RAB6B: variants seen among roughly 807,000 people sequenced by gnomAD.
RAB6B encodes the protein ras-related protein Rab-6B.
Under a neutral mutation model 31.2 loss-of-function variants are expected in RAB6B, and 7 were observed. The ratio of observed to expected loss-of-function variants is 0.22; its 90% confidence interval spans 0.13 to 0.42. The LOEUF (loss-of-function observed/expected upper bound fraction) is 0.42, where lower values mean the gene tolerates loss of function less well. Ranked by LOEUF, RAB6B falls within the 10% of genes least tolerant of loss-of-function variation. RAB6B has a pLI of 1.00. For synonymous variants in RAB6B, 105 were observed against 104.9 expected (o/e 1.00, Z -0.01); for missense variants, 149 against 280.6 (o/e 0.53, Z 3.35).
chr3:133,871,666 G>A (rs1343419773), intron 1 of RAB6B, among the ~76,000 whole-genome samples: 1 of 152,232 alleles, frequency 6.6e-6, no homozygotes, highest in East Asian at 1.9e-4. Flanking sequence ...CTCCACAGCG[G>A]GTGTGGGTGT....
At chr3:133,839,737 G>A in intron 4 of RAB6B, 120 bp from the exon 5 acceptor site, 1 of 752,742 alleles carries the variant, frequency 1.3e-6, no homozygotes, top group Non-Finnish European at 2.4e-6. Flanking sequence ...GATACCCAGG[G>A]AGGGGTGTGA....
intron 2 of RAB6B, among the ~76,000 whole-genome samples, chr3:133,852,790 C>T (rs1369452304): frequency 6.6e-6 from 1 of 152,176 alleles, no homozygotes; most frequent in Non-Finnish European, 1.5e-5. Flanking sequence ...ATCCTTGATT[C>T]TAAACCTGAC....
At chr3:133,828,914 T>G in intron 7 of RAB6B, 62 bp from the exon 8 acceptor site, 1 of 1,432,754 alleles carries the variant, frequency 7.0e-7, no homozygotes, top group Non-Finnish European at 9.6e-7. Flanking sequence ...CACTTAGCCC[T>G]GTGCACTGTA....
At chr3:133,861,760 G>C (rs1020123288) in intron 2 of RAB6B, among the ~76,000 whole-genome samples, 2 of 152,212 alleles carry the variant, frequency 1.3e-5, no homozygotes, top group African/African-American at 4.8e-5. Flanking sequence ...GTGTGGGATG[G>C]AAAGAGGGAA....
intron 2 of RAB6B, among the ~76,000 whole-genome samples, chr3:133,862,429 G>C (rs1936173029): frequency 6.6e-6 from 1 of 152,228 alleles, no homozygotes; most frequent in Non-Finnish European, 1.5e-5. Context: ...CAGTTGAGAG[G>C]CTAAACCAGC....
intron 1 of RAB6B, among the ~76,000 whole-genome samples, chr3:133,876,340 C>T (rs542549481): frequency 4.6e-5 from 7 of 152,278 alleles, no homozygotes; most frequent in Non-Finnish European, 1.0e-4. Context: ...CTATATGACT[C>T]GGGCTGCTGC....
At chr3:133,839,987 T>TACAC (rs58229770) in intron 4 of RAB6B, among the ~76,000 whole-genome samples, 70 of 150,028 alleles carry the variant, frequency 4.7e-4, no homozygotes, top group South Asian at 1.3e-3. Flanking sequence ...TGTGTGTGCA[T>TACAC]ACACACACAC....
At chr3:133,850,527 G>C (rs1935962818) in intron 2 of RAB6B, among the ~76,000 whole-genome samples, 1 of 151,892 alleles carries the variant, frequency 6.6e-6, no homozygotes, top group African/African-American at 2.4e-5. Context: ...TACAAACTTA[G>C]AACTGAAAAA....
chr3:133,832,968 G>A (rs764593726), intron 7 of RAB6B, among the ~76,000 whole-genome samples: 2 of 152,082 alleles, frequency 1.3e-5, no homozygotes, highest in African/African-American at 2.4e-5. Context: ...TCAACAGCGC[G>A]ACTCTGGGAG....
intron 1 of RAB6B, among the ~76,000 whole-genome samples, chr3:133,876,501 CA>C (rs1936399323): frequency 2.0e-5 from 3 of 152,038 alleles, no homozygotes; most frequent in African/African-American, 7.2e-5. Flanking sequence ...AAATATAAGG[CA>C]AAAGTTATGT....
chr3:133,824,782 AAG>A lies in RAB6B; in HGVS notation c.*4004_*4005del, dbSNP rs1342872542. ...GGAAGAACCTAGTGTCCTAACCAAA[AAG>A]AGTAGAGATGGTCTGAGGAACACAC... is the stretch of plus-strand genomic sequence containing the variant. On this transcript the variant is annotated 3_prime_UTR_variant, in exon 8 of 8. Transcript: ENST00000285208. 2 of 152,154 alleles carry A rather than the reference AAG, an allele frequency of 1.3e-5. No individual in the cohort carries two copies. The highest frequency in any genetic ancestry group is 2.4e-5 in the African/African-American group (1 of 41,432). 9.4% of individuals were successfully genotyped at this position (152,154 alleles called of 1,614,324 possible).
chr3:133,835,921 T>G (rs1024414859), intron 6 of RAB6B, among the ~76,000 whole-genome samples: 2 of 152,138 alleles, frequency 1.3e-5, no homozygotes, highest in Non-Finnish European at 2.9e-5. Flanking sequence ...ACATTTCTGC[T>G]GTTTATATGC....
At chr3:133,860,974 T>C (rs1936153054) in intron 2 of RAB6B, among the ~76,000 whole-genome samples, 1 of 152,180 alleles carries the variant, frequency 6.6e-6, no homozygotes, top group African/African-American at 2.4e-5. Flanking sequence ...CCAGGAGTGA[T>C]AGAGGGCCCA....
rs1206742363 is a variant in RAB6B at position 133,827,049 on chromosome 3, C to G, written c.*1739G>C. The G allele has an allele frequency of 6.5e-6, 1 of 152,710 alleles. No individual in the cohort carries two copies. Among genetic ancestry groups the G allele is most frequent in the South Asian group, 2.1e-4 (1 of 4,834 alleles). 9.5% of individuals were successfully genotyped at this position (152,710 alleles called of 1,614,324 possible). A position where few individuals can be genotyped will look rare whatever the true frequency, so the allele number is the denominator to read the frequency against. ...TCAGTGGGATCCTGCTTCCTCTCTT[C>G]TTCACCTGAAGATAAATTCCTTGCT... is the stretch of plus-strand genomic sequence containing the variant. On this transcript the variant is annotated 3_prime_UTR_variant, in exon 8 of 8. Coordinates refer to ENST00000285208, the MANE Select transcript of RAB6B (RefSeq NM_016577.4).
At chr3:133,850,472 T>TA (rs1312979313) in intron 2 of RAB6B, among the ~76,000 whole-genome samples, 1 of 152,094 alleles carries the variant, frequency 6.6e-6, no homozygotes, top group Non-Finnish European at 1.5e-5. Flanking sequence ...GGCGCAGATT[T>TA]AAAAATCTCA....
At chr3:133,887,331 C>G (rs1323720449) in intron 1 of RAB6B, among the ~76,000 whole-genome samples, 5 of 152,202 alleles carry the variant, frequency 3.3e-5, no homozygotes, top group Admixed American at 3.3e-4. Flanking sequence ...ATGCCCCTCC[C>G]CCACATTGTG....
At chr3:133,864,485 G>C in intron 2 of RAB6B, 99 bp downstream of exon 2, 1 of 1,231,078 alleles carries the variant, frequency 8.1e-7, no homozygotes, top group Non-Finnish European at 1.2e-6. Flanking sequence ...TGACAGCCTG[G>C]GAACCCAGGG....
At chr3:133,851,658 G>T (rs1340023010) in intron 2 of RAB6B, among the ~76,000 whole-genome samples, 1 of 152,184 alleles carries the variant, frequency 6.6e-6, no homozygotes, top group Non-Finnish European at 1.5e-5. Context: ...CTAAGATAAG[G>T]TACTGTTAAC....
At chr3:133,833,132 CTA>C (rs1935679436) in intron 7 of RAB6B, among the ~76,000 whole-genome samples, 2 of 152,180 alleles carry the variant, frequency 1.3e-5, no homozygotes, top group African/African-American at 4.8e-5. Flanking sequence ...GTTCCTGCTC[CTA>C]TGTTTGCCCT....
Sources: gnomAD v4.1 joint callset for allele counts (sites outside exome capture counted in the v4.1 genomes callset) on GRCh38, gnomAD v4.1.1 for gene constraint, MANE v1.5 for transcripts, NCBI Gene and HGNC (gene_info 2026-07-23, HGNC 2026-07-21) for gene names.